Variants in FSTL5 observed in about 807,000 individuals in gnomAD.
The protein encoded by FSTL5 is follistatin-related protein 5.
FSTL5 carries 62 observed loss-of-function variants against 89.1 expected under a neutral mutation model. The observed-to-expected ratio is 0.70, with a 90% CI of 0.57 to 0.86. The LOEUF is 0.86. Ranked by LOEUF, FSTL5 falls within the 40% of genes least tolerant of loss-of-function variation. The pLI is 0.00. For synonymous variants in FSTL5, 383 were observed against 346.2 expected (o/e 1.11, Z -1.18); for missense variants, 1,057 against 1,001.6 (o/e 1.06, Z -0.75).
At chr4:161,864,973 A>G (rs1250655837) in intron 4 of FSTL5, among the ~76,000 whole-genome samples, 1 of 152,040 alleles carries the variant, frequency 6.6e-6, no homozygotes, top group Non-Finnish European at 1.5e-5. Context: ...ATAGATACCT[A>G]GCTATGGGAC....
intron 1 of FSTL5, among the ~76,000 whole-genome samples, chr4:162,143,748 A>ACACACACACACACACAC (rs1363446909): frequency 7.8e-6 from 1 of 127,680 alleles, no homozygotes; most frequent in South Asian, 2.5e-4. Flanking sequence ...ACACACACAC[A>ACACACACACACACACAC]CCCAGGAAAA....
chr4:162,051,663 A>G (rs2111258744), intron 2 of FSTL5, among the ~76,000 whole-genome samples: 1 of 151,760 alleles, frequency 6.6e-6, no homozygotes, highest in African/African-American at 2.4e-5. Context: ...CAGTAATATT[A>G]GAATAAATAT....
chr4:161,501,128 A>C (rs1409383565), intron 11 of FSTL5, among the ~76,000 whole-genome samples: 1 of 152,180 alleles, frequency 6.6e-6, no homozygotes, highest in African/African-American at 2.4e-5. Flanking sequence ...AATAATATTA[A>C]AATCTTGACT....
chr4:161,396,731 T>TA (rs10715942), intron 15 of FSTL5, among the ~76,000 whole-genome samples: 1,782 of 145,636 alleles, frequency 0.012, 26 homozygotes, highest in East Asian at 0.059. Flanking sequence ...ATGAAAACTG[T>TA]AAAAAAAAAA....
chr4:161,654,049 T>C (rs775500938), intron 7 of FSTL5, among the ~76,000 whole-genome samples: 3 of 152,100 alleles, frequency 2.0e-5, no homozygotes, highest in Non-Finnish European at 4.4e-5. Flanking sequence ...CAATAAAGTG[T>C]ATTTGTGCAA....
chr4:162,096,898 C>T (rs141208127), intron 2 of FSTL5, among the ~76,000 whole-genome samples: 1 of 151,990 alleles, frequency 6.6e-6, no homozygotes, highest in East Asian at 1.9e-4. Context: ...TATATTAACA[C>T]TTGCCACCCA....
At chr4:161,702,893 C>T (rs1314178261) in intron 6 of FSTL5, among the ~76,000 whole-genome samples, 4 of 151,986 alleles carry the variant, frequency 2.6e-5, no homozygotes, top group Non-Finnish European at 5.9e-5. Flanking sequence ...TGTTAAGGTC[C>T]TAATCCCCAC....
chr4:162,016,691 G>A (rs1392797551), intron 3 of FSTL5, among the ~76,000 whole-genome samples: 2 of 152,144 alleles, frequency 1.3e-5, no homozygotes, highest in Non-Finnish European at 2.9e-5. Flanking sequence ...TATATTTGGA[G>A]TATCTCCATG....
At chr4:161,486,510 T>C (rs1442468080) in intron 12 of FSTL5, among the ~76,000 whole-genome samples, 1 of 152,174 alleles carries the variant, frequency 6.6e-6, no homozygotes, top group East Asian at 1.9e-4. Context: ...ATCTAGTTAG[T>C]AGTTATGAAA....
intron 6 of FSTL5, among the ~76,000 whole-genome samples, chr4:161,714,488 T>C (rs1017762280): frequency 6.6e-6 from 1 of 152,164 alleles, no homozygotes; most frequent in Non-Finnish European, 1.5e-5. Flanking sequence ...AAAAATGGGT[T>C]TCAAATCTCC....
chr4:161,614,106 G>T (rs1303088576), intron 7 of FSTL5, among the ~76,000 whole-genome samples: 1 of 151,924 alleles, frequency 6.6e-6, no homozygotes, highest in Non-Finnish European at 1.5e-5. Context: ...TAAAGTAGGG[G>T]GTTCATAGTG....
At chr4:161,535,466 CAT>C (rs1482979124) in intron 10 of FSTL5, among the ~76,000 whole-genome samples, 2 of 152,032 alleles carry the variant, frequency 1.3e-5, no homozygotes, top group African/African-American at 4.8e-5. Flanking sequence ...GGTCAGCAAA[CAT>C]ATGAAAAATG....
chr4:161,823,121 G>A (rs1166150202), intron 4 of FSTL5, among the ~76,000 whole-genome samples: 3 of 152,080 alleles, frequency 2.0e-5, no homozygotes, highest in Non-Finnish European at 4.4e-5. Flanking sequence ...GCCATTGGCA[G>A]GTATGAAAAA....
intron 1 of FSTL5, among the ~76,000 whole-genome samples, chr4:162,155,519 T>G (rs2088661962): frequency 1.3e-5 from 2 of 152,202 alleles, no homozygotes; most frequent in Admixed American, 1.3e-4. Context: ...TGTGGCTAAG[T>G]CTGTGATAAT....
At chr4:161,402,560 C>T (rs1448891879) in intron 15 of FSTL5, among the ~76,000 whole-genome samples, 5 of 152,140 alleles carry the variant, frequency 3.3e-5, no homozygotes, top group Non-Finnish European at 7.4e-5. Flanking sequence ...ATTCTCTTTG[C>T]TTATATTCTC....
At chr4:161,405,885 A>C (rs1731358980) in intron 15 of FSTL5, among the ~76,000 whole-genome samples, 1 of 152,200 alleles carries the variant, frequency 6.6e-6, no homozygotes, top group African/African-American at 2.4e-5. Flanking sequence ...ATAGTTTCAA[A>C]GTGCTGAAGG....
intron 3 of FSTL5, among the ~76,000 whole-genome samples, chr4:161,988,679 G>T (rs1462075795): frequency 6.6e-6 from 1 of 152,064 alleles, no homozygotes; most frequent in African/African-American, 2.4e-5. Flanking sequence ...TATGAGCAAA[G>T]AAGTTATTTC....
At chr4:161,506,044 A>G (rs994530114) in intron 11 of FSTL5, among the ~76,000 whole-genome samples, 5 of 151,868 alleles carry the variant, frequency 3.3e-5, no homozygotes, top group Admixed American at 2.6e-4. Flanking sequence ...TTTATTTTAT[A>G]TTATTACTTT....
At chr4:162,105,673 T>G (rs1377344110) in intron 2 of FSTL5, among the ~76,000 whole-genome samples, 1 of 152,178 alleles carries the variant, frequency 6.6e-6, no homozygotes, top group Non-Finnish European at 1.5e-5. Context: ...CTTTTTGGTA[T>G]ATACAGAATA....
Sources: allele counts gnomAD v4.1 joint callset (sites outside exome capture counted in the v4.1 genomes callset), GRCh38; gene constraint gnomAD v4.1.1; transcripts MANE v1.5; gene names NCBI Gene and HGNC (gene_info 2026-07-23, HGNC 2026-07-21).